Variants in ACTL8 observed in about 807,000 individuals in gnomAD.
ACTL8 encodes the protein actin like 8.
A neutral mutation model predicts 9.3 loss-of-function variants in ACTL8; 3 were observed. The observed-to-expected ratio is 0.32, with a 90% CI of 0.15 to 0.83. The LOEUF is 0.83. Ranked by LOEUF, ACTL8 falls within the 40% of genes least tolerant of loss-of-function variation. ACTL8 has a pLI of 0.57. For synonymous variants in ACTL8, 224 were observed against 205.9 expected (o/e 1.09, Z -0.75); for missense variants, 381 against 492.2 (o/e 0.77, Z 2.14).
Position 17,800,583 on chromosome 1 carries a change from C to CTTTTTTTTTTTTTTTT in ACTL8, c.-24-22390_-24-22375dup, listed in dbSNP as rs59143238. 1.1e-3 allele frequency among the ~76,000 whole-genome samples: 73 copies of CTTTTTTTTTTTTTTTT among 69,156 alleles called. 10 individuals carry two copies. The highest frequency in any genetic ancestry group is 4.4e-3 in the African/African-American group (68 of 15,486). The allele number at this position is 69,156 out of a possible 152,430, so 45.4% of individuals were successfully genotyped here. ...CAAACTTCCTTGCCTTGGTGTCAAT[C>CTTTTTTTTTTTTTTTT]TTTTTTTTTTTTTTTTTTTTTTTTT... On this transcript the variant is annotated intron_variant, in intron 1 of 2. Transcript: ENST00000375406.
chr1:17,781,262 A>C (rs2066152992), intron 1 of ACTL8, among the ~76,000 whole-genome samples: 1 of 144,310 alleles, frequency 6.9e-6, no homozygotes. Flanking sequence ...TTTAATGGAG[A>C]CAGAGTCTCA....
At chr1:17,807,027 C>T (rs1449196683) in intron 1 of ACTL8, among the ~76,000 whole-genome samples, 3 of 152,208 alleles carry the variant, frequency 2.0e-5, no homozygotes, top group Admixed American at 6.5e-5. Flanking sequence ...TTGCTTGGCT[C>T]ATGGCCTCTT....
At position 17,792,586 on chromosome 1, in the gene ACTL8, C is replaced by T. The variant is rs2066247870; in HGVS notation, c.-24-30399C>T. Among the ~76,000 whole-genome samples, 3 of 152,162 alleles carry T rather than the reference C, an allele frequency of 2.0e-5. No homozygotes were observed. In the South Asian group the frequency reaches 6.2e-4, roughly 32 times the overall value. On this transcript the variant is annotated intron_variant, in intron 1 of 2. Transcript: ENST00000375406. The stretch of plus-strand genomic sequence containing the variant: ...GAAGCCCCTTCTGCTTATCTTCATC[C>T]TCCTCCTAACTCTGCCGTTTGACCC...
At position 17,825,850 on chromosome 1, in the gene ACTL8, C is replaced by A. The variant is rs370630395; in HGVS notation, c.432C>A (p.Thr144=). The change falls in exon 3 of 3, where the codon ACC becomes ACA. Residue 144 remains threonine, a synonymous_variant. Coordinates refer to ENST00000375406, the MANE Select transcript of ACTL8 (RefSeq NM_030812.3). ...QMSLYASGLL[T]GVVVDSGYGL... is the part of the protein sequence containing the mutation. ...CCCTGTATGCCTCTGGCCTCCTGAC[C>A]GGAGTGGTGGTTGATTCTGGCTATG... 1 of 1,614,096 alleles carries A rather than the reference C, an allele frequency of 6.2e-7. No homozygotes were observed. The highest frequency in any genetic ancestry group is 1.7e-5 in the Admixed American group (1 of 60,030).
chr1:17,770,756 G>T (rs2066077192), intron 1 of ACTL8, among the ~76,000 whole-genome samples: 1 of 152,278 alleles, frequency 6.6e-6, no homozygotes, highest in South Asian at 2.1e-4. Flanking sequence ...GGTCATTCTC[G>T]CCATGCACAG....
At chr1:17,789,876 C>T (rs2066225432) in intron 1 of ACTL8, among the ~76,000 whole-genome samples, 2 of 152,324 alleles carry the variant, frequency 1.3e-5, no homozygotes, top group South Asian at 4.1e-4. Context: ...TGGCTGGTGG[C>T]ACCTTTGCCT....
chr1:17,792,023 CCTTATCATTGG>C (rs2066243749), intron 1 of ACTL8, among the ~76,000 whole-genome samples: 1 of 152,194 alleles, frequency 6.6e-6, no homozygotes, highest in African/African-American at 2.4e-5. Flanking sequence ...CATCAGGAAC[CCTTATCATTGG>C]GGCTGGAGCC....
chr1:17,793,963 C>G (rs1289632332), intron 1 of ACTL8, among the ~76,000 whole-genome samples: 1 of 152,180 alleles, frequency 6.6e-6, no homozygotes, highest in East Asian at 1.9e-4. Flanking sequence ...TTCTTGTCAG[C>G]TCTCTTTAGA....
At chr1:17,817,810 C>T (rs1196315841) in intron 1 of ACTL8, among the ~76,000 whole-genome samples, 1 of 152,034 alleles carries the variant, frequency 6.6e-6, no homozygotes, top group African/African-American at 2.4e-5. Flanking sequence ...AAGCAATTCT[C>T]CTGCCTCAGC....
chr1:17,825,629 TA>T, intron 2 of ACTL8, 137 bp from the exon 3 acceptor site: 1 of 1,144,852 alleles, frequency 8.7e-7, no homozygotes, highest in Non-Finnish European at 1.2e-6. Context: ...CCTCACTGCA[TA>T]AGCTCCAGGG....
rs776398697 is a variant in ACTL8, at chr1:17,767,332, G to A, written c.-25+11828G>A. Among the ~76,000 whole-genome samples the A allele has an allele frequency of 1.3e-5, 2 of 152,170 alleles. No homozygotes were observed. The highest frequency in any genetic ancestry group is 2.9e-5 in the Non-Finnish European group (2 of 68,024). Reference sequence around the variant, plus strand: ...GCTGCTGGAGACAGAGCCGGGGGATGAGGCGGAGGCAGGGGGGCCAGTGTG... The same window carrying A: ...GCTGCTGGAGACAGAGCCGGGGGATAAGGCGGAGGCAGGGGGGCCAGTGTG... On this transcript the variant is annotated intron_variant, in intron 1 of 2. Coordinates refer to ENST00000375406, the MANE Select transcript of ACTL8 (RefSeq NM_030812.3). The surrounding 1 kb of genome is among the most constrained non-coding windows in gnomAD (Gnocchi z 4.7).
chr1:17,826,476 A>G lies in ACTL8; in HGVS notation c.1058A>G (p.Glu353Gly). ...VVAHLSTYQS[E>G]WMSREEYGEH... ...GCTCACCTTTCTACCTACCAGTCTG[A>G]GTGGATGTCCCGAGAGGAGTATGGT... Residue 353 changes from glutamate (E) to glycine (G), a missense_variant, in exon 3 of 3, where the codon GAG (glutamate) becomes GGG (glycine). Glu to Gly is a moderately conservative substitution (Grantham distance 98). Around this residue, in one of 3 missense-constraint regions of ACTL8, gnomAD observed 243 missense variants for 276.2 expected, o/e 0.88. Coordinates refer to ENST00000375406, the MANE Select transcript of ACTL8 (RefSeq NM_030812.3). This position sits in a 1 kb window ranked among gnomAD's most constrained non-coding sequence, Gnocchi z 4.5. The G allele has an allele frequency of 2.5e-6, 4 of 1,607,534 alleles. No homozygotes were observed.
chr1:17,824,050 G>A (rs1196283224), intron 2 of ACTL8, among the ~76,000 whole-genome samples: 1 of 152,198 alleles, frequency 6.6e-6, no homozygotes, highest in Non-Finnish European at 1.5e-5. Context: ...TGGACTGTTG[G>A]GGGTGGGGAA....
intron 1 of ACTL8, among the ~76,000 whole-genome samples, chr1:17,764,051 T>C (rs1201376518): frequency 6.6e-6 from 1 of 151,500 alleles, no homozygotes; most frequent in Non-Finnish European, 1.5e-5. Flanking sequence ...AGCAGCTCTG[T>C]GTTGAGCTGA....
chr1:17,810,307 G>A (rs189582621), intron 1 of ACTL8, among the ~76,000 whole-genome samples: 3 of 152,176 alleles, frequency 2.0e-5, no homozygotes, highest in Non-Finnish European at 4.4e-5. Context: ...CATTTGCTTT[G>A]ACACCTTTTC....
chr1:17,792,583 ATCC>A (rs2066247837), intron 1 of ACTL8, among the ~76,000 whole-genome samples: 1 of 151,956 alleles, frequency 6.6e-6, no homozygotes, highest in South Asian at 2.1e-4. Flanking sequence ...GCTTATCTTC[ATCC>A]TCCTCCTAAC....
chr1:17,786,834 A>G (rs917488732), intron 1 of ACTL8, among the ~76,000 whole-genome samples: 1 of 151,982 alleles, frequency 6.6e-6, no homozygotes, highest in African/African-American at 2.4e-5. Flanking sequence ...AACTGGGACT[A>G]CAGGTGTGCA....
At chr1:17,797,761 G>T (rs2066288270) in intron 1 of ACTL8, among the ~76,000 whole-genome samples, 1 of 152,166 alleles carries the variant, frequency 6.6e-6, no homozygotes, top group African/African-American at 2.4e-5. Flanking sequence ...GAGGAGTGGG[G>T]AGATGAATCC....
Position 17,792,438 on chromosome 1 carries a change from A to T in ACTL8, c.-24-30547A>T, listed in dbSNP as rs1284455971. On this transcript the variant is annotated intron_variant, in intron 1 of 2. Transcript: ENST00000375406. Reference sequence around the variant, plus strand: ...CCTTCAAATATCTGGAAGGGTCTTCAGACCATATCCAATACAGGCAAGCGT... The same window carrying T: ...CCTTCAAATATCTGGAAGGGTCTTCTGACCATATCCAATACAGGCAAGCGT... Among the ~76,000 whole-genome samples, 3 of 152,338 alleles carry T rather than the reference A, an allele frequency of 2.0e-5. No homozygotes were observed. The East Asian group carries it at 5.8e-4, about 29-fold the overall frequency.
Sources: gnomAD v4.1 joint callset for allele counts (sites outside exome capture counted in the v4.1 genomes callset) on GRCh38, gnomAD v4.1.1 for gene constraint, gnomAD v4.1.1 regional missense constraint, Gnocchi (gnomAD v3.1) non-coding constraint, MANE v1.5 for transcripts, NCBI Gene and HGNC (gene_info 2026-07-23, HGNC 2026-07-21) for gene names.